The following DOCK8 variants were observed in gnomAD, a reference collection of about 807,000 sequenced individuals.
The protein encoded by DOCK8 is dedicator of cytokinesis protein 8.
DOCK8 carries 141 observed loss-of-function variants against 245.6 expected under a neutral mutation model. That is an observed-to-expected ratio of 0.57 (90% CI 0.50 to 0.66). The LOEUF (loss-of-function observed/expected upper bound fraction) is 0.66. Among genes scored for constraint, DOCK8 ranks in the 30% least tolerant of loss-of-function variants. The pLI is 0.00. For missense variants in DOCK8, 2,965 were observed against 2,603.4 expected (o/e 1.14, Z -3.02); for synonymous variants, 1,168 against 970.2 (o/e 1.20, Z -3.79).
intron 7 of DOCK8, among the ~76,000 whole-genome samples, chr9:322,771 G>C (rs1277910152): frequency 2.6e-5 from 4 of 152,156 alleles, no homozygotes; most frequent in Non-Finnish European, 4.4e-5. Context: ...AGCATGCCAG[G>C]CAGCAGCTGG....
chr9:453,381 A>T (rs2057527743), intron 46 of DOCK8, among the ~76,000 whole-genome samples: 1 of 152,210 alleles, frequency 6.6e-6, no homozygotes, highest in Admixed American at 6.5e-5. Context: ...TCAGTACATA[A>T]TACGTATCTT....
At chr9:382,423 T>C (rs2053757843) in intron 21 of DOCK8, 90 bp from the exon 22 acceptor site, 1 of 1,561,304 alleles carries the variant, frequency 6.4e-7, no homozygotes, top group African/African-American at 1.4e-5. Context: ...TGGCTTTTCA[T>C]CCACCCTATC....
rs887979104 is a variant in DOCK8 at position 228,944 on chromosome 9, G to C, written c.53+13915G>C. Reference sequence around the variant, plus strand: ...TTGGCTGAGCTTTCCCTCTTCACACGGTCTCTTGTTGTTCAGAAACCTAGC... The same window carrying C: ...TTGGCTGAGCTTTCCCTCTTCACACCGTCTCTTGTTGTTCAGAAACCTAGC... On this transcript the variant is annotated intron_variant, in intron 1 of 47. Transcript: ENST00000432829. Among the ~76,000 whole-genome samples, 7 of 152,072 alleles carry C rather than the reference G, an allele frequency of 4.6e-5. 1 individual carries two copies. Among genetic ancestry groups the C allele is most frequent in the African/African-American group, 1.2e-4 (5 of 41,394 alleles).
chr9:289,468 T>C, intron 3 of DOCK8, 42 bp from the exon 4 acceptor site: 1 of 1,515,672 alleles, frequency 6.6e-7, no homozygotes, highest in South Asian at 1.1e-5. Flanking sequence ...TTTGTTGTTT[T>C]ACCCAGTAAT....
chr9:395,101 C>T (rs934146962), intron 24 of DOCK8, among the ~76,000 whole-genome samples: 13 of 151,894 alleles, frequency 8.6e-5, no homozygotes, highest in African/African-American at 2.9e-4. Context: ...AGGCTTTTTT[C>T]GGACAAAAAT....
At position 386,315 on chromosome 9, in the gene DOCK8, G is replaced by A; in HGVS notation, c.2779-16G>A. The stretch of plus-strand genomic sequence containing the variant: ...CATGGTTGGTTGACTGTTAAGCCAT[G>A]GTTTGTGTATTTTAGATCGCCGATC... On this transcript the variant is annotated splice_polypyrimidine_tract_variant and intron_variant, in intron 22 of 47. Transcript: ENST00000432829. 1 of 1,610,876 alleles carries A rather than the reference G, an allele frequency of 6.2e-7. No homozygotes were observed. The highest frequency in any genetic ancestry group is 8.5e-7 in the Non-Finnish European group (1 of 1,177,454).
intron 39 of DOCK8, among the ~76,000 whole-genome samples, chr9:436,432 A>G (rs1030451657): frequency 1.2e-4 from 19 of 152,254 alleles, no homozygotes; most frequent in African/African-American, 3.9e-4. Flanking sequence ...AATAAATATT[A>G]TAGTACTACT....
At chr9:340,540 G>A in intron 14 of DOCK8, 1 of 521,372 alleles carries the variant, frequency 1.9e-6, no homozygotes, top group South Asian at 1.9e-5. Context: ...AGAATCGCTT[G>A]AACCCAGGAG....
chr9:436,202 G>A (rs964919629), intron 39 of DOCK8, among the ~76,000 whole-genome samples: 1 of 152,166 alleles, frequency 6.6e-6, no homozygotes, highest in Non-Finnish European at 1.5e-5. Flanking sequence ...TGGTCCTCAA[G>A]AACAAAAATA....
intron 9 of DOCK8, among the ~76,000 whole-genome samples, chr9:331,808 T>G (rs1001611739): frequency 6.6e-6 from 1 of 152,212 alleles, no homozygotes; most frequent in East Asian, 1.9e-4. Context: ...ATCCCAATGC[T>G]TTTGAGTTTC....
chr9:225,054 G>A (rs1489588341), intron 1 of DOCK8, among the ~76,000 whole-genome samples: 2 of 152,116 alleles, frequency 1.3e-5, no homozygotes, highest in African/African-American at 2.4e-5. Flanking sequence ...CTTATTCTCT[G>A]TCCAATAATT....
chr9:275,011 A>G (rs150954908), intron 2 of DOCK8, among the ~76,000 whole-genome samples: 1 of 152,350 alleles, frequency 6.6e-6, no homozygotes, highest in East Asian at 1.9e-4. Flanking sequence ...GCTGTTTTGC[A>G]AGAGTGAAGA....
At chr9:426,295 G>T (rs1310024944) in intron 33 of DOCK8, among the ~76,000 whole-genome samples, 1 of 152,140 alleles carries the variant, frequency 6.6e-6, no homozygotes, top group African/African-American at 2.4e-5. Context: ...TGCCCTACAG[G>T]AATACAGTCT....
chr9:461,261 T>G (rs1049182472), intron 46 of DOCK8, among the ~76,000 whole-genome samples: 1 of 152,194 alleles, frequency 6.6e-6, no homozygotes, highest in Non-Finnish European at 1.5e-5. Flanking sequence ...GATTTATATC[T>G]CTCTTCAACT....
At chr9:348,068 G>A (rs922898507) in intron 14 of DOCK8, among the ~76,000 whole-genome samples, 4 of 151,804 alleles carry the variant, frequency 2.6e-5, no homozygotes, top group African/African-American at 4.8e-5. Flanking sequence ...TCATTTTTTC[G>A]CAAAGGATTT....
chr9:352,432 G>A (rs746116345), intron 14 of DOCK8, among the ~76,000 whole-genome samples: 1 of 152,208 alleles, frequency 6.6e-6, no homozygotes, highest in African/African-American at 2.4e-5. Context: ...CGGCATCCCA[G>A]GCCAGCAGCC....
chr9:431,079 G>T (rs576993915), intron 36 of DOCK8, among the ~76,000 whole-genome samples: 5 of 151,836 alleles, frequency 3.3e-5, no homozygotes, highest in African/African-American at 4.8e-5. Context: ...CTTGCTGCAT[G>T]CCCAGGCTGG....
At chr9:325,621 A>C in intron 7 of DOCK8, 50 bp from the exon 8 acceptor site, 1 of 1,534,706 alleles carries the variant, frequency 6.5e-7, no homozygotes, top group African/African-American at 1.4e-5. Flanking sequence ...CAGAAAATTC[A>C]AAATTATCTA....
At chr9:225,290 A>G (rs1242045873) in intron 1 of DOCK8, among the ~76,000 whole-genome samples, 1 of 152,214 alleles carries the variant, frequency 6.6e-6, no homozygotes, top group East Asian at 1.9e-4. Context: ...CCCTGGCTAC[A>G]GAAGGGCAAC....
Sources: gnomAD v4.1 joint callset for allele counts (sites outside exome capture counted in the v4.1 genomes callset) on GRCh38, gnomAD v4.1.1 for gene constraint, MANE v1.5 for transcripts, NCBI Gene and HGNC (gene_info 2026-07-23, HGNC 2026-07-21) for gene names.